Variants in CD244 observed in about 807,000 individuals in gnomAD.
CD244 encodes the protein natural killer cell receptor 2B4.
A neutral mutation model predicts 45.5 loss-of-function variants in CD244; 20 were observed. That is an observed-to-expected ratio of 0.44 (90% CI 0.31 to 0.64). The LOEUF is 0.64. Ranked by LOEUF, CD244 falls within the 30% of genes least tolerant of loss-of-function variation. The pLI is 0.08. For missense variants in CD244, 407 were observed against 426.9 expected (o/e 0.95, Z 0.41); for synonymous variants, 185 against 160.5 (o/e 1.15, Z -1.15).
At chr1:160,841,946 G>T (rs1669562052) in intron 1 of CD244, 45 bp from the exon 2 acceptor site, 3 of 1,562,986 alleles carry the variant, frequency 1.9e-6, no homozygotes, top group Non-Finnish European at 1.8e-6. Flanking sequence ...AGAGTGTCAG[G>T]CCTGAGCAAT....
chr1:160,832,570 T>C lies in CD244; in HGVS notation c.966A>G (p.Gly322=). The change falls in exon 8 of 9, where the codon GGA becomes GGG. Residue 322 remains glycine, a synonymous_variant. Coordinates refer to ENST00000368034, the MANE Select transcript of CD244 (RefSeq NM_016382.4). ...AAGGGCTGTGGTTCCTCTTCCTGGA[T>C]CCAGACTAGAAATTCAGAAGGTAAA... is the stretch of plus-strand genomic sequence containing the variant. ...YSLIQPSRKS[G]SRKRNHSPSF... The C allele has an allele frequency of 6.2e-7, 1 of 1,612,684 alleles. No homozygotes were observed. Among genetic ancestry groups the C allele is most frequent in the Non-Finnish European group, 8.5e-7 (1 of 1,179,186 alleles).
chr1:160,862,301 T>C (rs1670339239), intron 1 of CD244, among the ~76,000 whole-genome samples: 1 of 152,148 alleles, frequency 6.6e-6, no homozygotes, highest in Non-Finnish European at 1.5e-5. Context: ...GCAATTTTCA[T>C]CATCTTTACA....
intron 1 of CD244, among the ~76,000 whole-genome samples, chr1:160,857,822 G>C (rs1387230989): frequency 3.9e-5 from 6 of 152,298 alleles, no homozygotes; most frequent in African/African-American, 1.4e-4. Flanking sequence ...CAAGGCAAGA[G>C]GATTGCTTGA....
intron 1 of CD244, 33 bp from the exon 2 acceptor site, chr1:160,841,934 G>A (rs1465157990): frequency 2.5e-6 from 4 of 1,596,044 alleles, no homozygotes; most frequent in South Asian, 2.2e-5. Flanking sequence ...AAAGTAGCGG[G>A]AAGAGTGTCA....
chr1:160,855,081 G>C, intron 1 of CD244, among the ~76,000 whole-genome samples: 1 of 152,210 alleles, frequency 6.6e-6, no homozygotes. Flanking sequence ...CCATTTACAG[G>C]AGTAGATGAA....
chr1:160,845,374 G>A (rs936467114), intron 1 of CD244, among the ~76,000 whole-genome samples: 16 of 152,094 alleles, frequency 1.1e-4, no homozygotes, highest in African/African-American at 3.4e-4. Flanking sequence ...ACAAGAAGGA[G>A]TGTAAAAGAT....
chr1:160,849,292 T>TTTTTG (rs888231316), intron 1 of CD244, among the ~76,000 whole-genome samples: 6 of 151,830 alleles, frequency 4.0e-5, no homozygotes, highest in South Asian at 2.1e-4. Context: ...TCTTTTTTTT[T>TTTTTG]TTTTTGTTTT....
chr1:160,845,996 C>T (rs1474132561), intron 1 of CD244, among the ~76,000 whole-genome samples: 1 of 151,326 alleles, frequency 6.6e-6, no homozygotes, highest in Non-Finnish European at 1.5e-5. Context: ...CTTCACAAAA[C>T]AAACAACTTA....
At chr1:160,855,012 G>A (rs1384986430) in intron 1 of CD244, among the ~76,000 whole-genome samples, 1 of 152,172 alleles carries the variant, frequency 6.6e-6, no homozygotes, top group East Asian at 1.9e-4. Context: ...GAGCACACAG[G>A]GGAGTATTGG....
intron 5 of CD244, among the ~76,000 whole-genome samples, chr1:160,837,314 T>C (rs1468190106): frequency 6.6e-6 from 1 of 152,166 alleles, no homozygotes; most frequent in African/African-American, 2.4e-5. Flanking sequence ...AAATAGATTA[T>C]TTTTAGCAAG....
rs1670037699 is a variant in CD244, at chr1:160,854,564, T to G, written c.61+8053A>C. Among the ~76,000 whole-genome samples the G allele has an allele frequency of 2.0e-5, 3 of 151,794 alleles. No individual in the cohort carries two copies. In the South Asian group the frequency reaches 6.3e-4, roughly 32 times the overall value. ...CCCCCAGCTATTCTTTTTTTTTTTT[T>G]TGTATTTTTAGTAGAGACAGGGTTT... On this transcript the variant is annotated intron_variant, in intron 1 of 8. Coordinates refer to ENST00000368034, the MANE Select transcript of CD244 (RefSeq NM_016382.4).
chr1:160,855,576 T>C (rs1469137241), intron 1 of CD244, among the ~76,000 whole-genome samples: 5 of 152,188 alleles, frequency 3.3e-5, no homozygotes, highest in South Asian at 2.1e-4. Flanking sequence ...GATGAAATGC[T>C]ACTACGAAAA....
At chr1:160,857,205 AG>A (rs1340277985) in intron 1 of CD244, among the ~76,000 whole-genome samples, 2 of 152,230 alleles carry the variant, frequency 1.3e-5, no homozygotes, top group African/African-American at 4.8e-5. Flanking sequence ...GCCCCAAAGC[AG>A]CATGGAACTC....
chr1:160,841,796 A>G lies in CD244; in HGVS notation c.167T>C (p.Leu56Ser), dbSNP rs1669554264. The change falls in exon 2 of 9, where the codon TTG (leucine) becomes TCG (serine). Residue 56 changes from leucine to serine, a missense_variant. Leu to Ser is a moderately radical substitution (Grantham distance 145). Transcript: ENST00000368034. ...TKVDSIAWKK[L>S]LPSQNGFHHI... ...ATGAAATCCATTTTGTGAGGGCAGC[A>G]ACTTCTTCCATGCAATGCTGTCAAC... 6.2e-7 allele frequency: 1 copy of G among 1,614,086 alleles called. No individual in the cohort carries two copies. The highest frequency in any genetic ancestry group is 8.5e-7 in the Non-Finnish European group (1 of 1,180,018).
chr1:160,830,371 C>G lies in CD244; in HGVS notation c.*976G>C, dbSNP rs1448256283. 6.6e-6 allele frequency: 1 copy of G among 152,406 alleles called. No homozygotes were observed. Among genetic ancestry groups the G allele is most frequent in the African/African-American group, 2.4e-5 (1 of 41,436 alleles). 9.4% of individuals were successfully genotyped at this position (152,406 alleles called of 1,614,324 possible). A position where few individuals can be genotyped will look rare whatever the true frequency, so the allele number is the denominator to read the frequency against. ...GCTCAGCCAGAGTCACAGCCCTGCT[C>G]CCCACAGCCTTGTTGAAATGTCTGG... On this transcript the variant is annotated 3_prime_UTR_variant, in exon 9 of 9. Coordinates refer to ENST00000368034, the MANE Select transcript of CD244 (RefSeq NM_016382.4).
At chr1:160,860,640 G>A (rs1319014749) in intron 1 of CD244, among the ~76,000 whole-genome samples, 1 of 152,158 alleles carries the variant, frequency 6.6e-6, no homozygotes, top group Non-Finnish European at 1.5e-5. Flanking sequence ...TTGTTCTCAA[G>A]TGGTTCAGCA....
chr1:160,855,554 C>A (rs1270832616), intron 1 of CD244, among the ~76,000 whole-genome samples: 2 of 152,120 alleles, frequency 1.3e-5, no homozygotes, highest in Admixed American at 6.5e-5. Flanking sequence ...GGTACACACA[C>A]CAGATAGGGG....
intron 1 of CD244, among the ~76,000 whole-genome samples, chr1:160,846,548 C>G (rs1353145656): frequency 6.6e-6 from 1 of 152,058 alleles, no homozygotes; most frequent in East Asian, 1.9e-4. Flanking sequence ...CGCCCATAAT[C>G]CCGGCTACTC....
chr1:160,852,664 A>C (rs1044824178), intron 1 of CD244, among the ~76,000 whole-genome samples: 13 of 152,210 alleles, frequency 8.5e-5, no homozygotes, highest in African/African-American at 3.1e-4. Flanking sequence ...ACTTTGGAAA[A>C]CTATTTTACG....
Sources: allele counts gnomAD v4.1 joint callset (sites outside exome capture counted in the v4.1 genomes callset), GRCh38; gene constraint gnomAD v4.1.1; transcripts MANE v1.5; gene names NCBI Gene and HGNC (gene_info 2026-07-23, HGNC 2026-07-21).